ZNF429: variants seen among roughly 807,000 people sequenced by gnomAD.
ZNF429 encodes the protein zinc finger protein 429.
In ZNF429, 53 loss-of-function variants were observed where a neutral mutation model predicts 56.8. The ratio of observed to expected loss-of-function variants is 0.93; its 90% confidence interval spans 0.75 to 1.17. The LOEUF is 1.17. Among genes scored for constraint, ZNF429 ranks in the 50% most tolerant of loss-of-function variants. The pLI is 0.00. For missense variants in ZNF429, 849 were observed against 788.4 expected, an observed-to-expected ratio of 1.08 and a Z score of -0.92; for synonymous variants, 278 against 264.7, an observed-to-expected ratio of 1.05 and a Z score of -0.49.
intron 1 of ZNF429, among the ~76,000 whole-genome samples, chr19:21,525,976 C>A (rs1485388125): frequency 6.6e-6 from 1 of 152,422 alleles, no homozygotes; most frequent in South Asian, 2.1e-4. Flanking sequence ...TTATGCCCAG[C>A]ACAGTGCTCT....
chr19:21,506,598 A>G (rs1486800696), intron 1 of ZNF429, among the ~76,000 whole-genome samples: 1 of 151,962 alleles, frequency 6.6e-6, no homozygotes, highest in Non-Finnish European at 1.5e-5. Context: ...CAAAAACGCA[A>G]ATTCAGTTAT....
chr19:21,526,361 A>G (rs930642684), intron 1 of ZNF429, among the ~76,000 whole-genome samples: 2 of 152,106 alleles, frequency 1.3e-5, no homozygotes, highest in African/African-American at 4.8e-5. Context: ...CCCAAAGTCC[A>G]TTGTACCATT....
chr19:21,505,652 C>A lies in ZNF429; in HGVS notation c.-120C>A, dbSNP rs1033338085. On this transcript the variant is annotated 5_prime_UTR_variant, in exon 1 of 4. Coordinates refer to ENST00000358491, the MANE Select transcript of ZNF429 (RefSeq NM_001001415.4). The stretch of plus-strand genomic sequence containing the variant: ...TTTGGCTCTTGCTGCAGCCAGAGCT[C>A]CAGGTCTCGTCTTCATTTCTGTGTC... 2.7e-6 allele frequency: 3 copies of A among 1,096,128 alleles called. No individual in the cohort carries two copies. The South Asian group carries it at 4.5e-5, about 17-fold the overall frequency. 67.9% of individuals were successfully genotyped at this position (1,096,128 alleles called of 1,614,324 possible).
Position 21,536,845 on chromosome 19 carries a change from A to G in ZNF429, c.792A>G (p.Lys264=), listed in dbSNP as rs2033701054. 1.2e-6 allele frequency: 2 copies of G among 1,613,876 alleles called. No individual in the cohort carries two copies. Among genetic ancestry groups the G allele is most frequent in the East Asian group, 4.5e-5 (2 of 44,846 alleles). ...EKPYKCKECG[K]AFSRYSTLTT... is the part of the protein sequence containing the mutation. ...CCTACAAATGTAAAGAATGTGGCAA[A>G]GCCTTTAGCAGGTACTCAACCCTTA... The change falls in exon 4 of 4, where the codon AAA becomes AAG. Residue 264 remains lysine, a synonymous_variant. Coordinates refer to ENST00000358491, the MANE Select transcript of ZNF429 (RefSeq NM_001001415.4).
chr19:21,526,390 C>T (rs1472451600), intron 1 of ZNF429, among the ~76,000 whole-genome samples: 4 of 152,130 alleles, frequency 2.6e-5, no homozygotes, highest in East Asian at 1.9e-4. Context: ...TTTGTGTTTT[C>T]GTAGTTTAGC....
Position 21,539,183 on chromosome 19 carries a change from TATC to T in ZNF429, c.*1108_*1110del, listed in dbSNP as rs1312173149. Among the ~76,000 whole-genome samples the T allele has an allele frequency of 5.3e-5, 8 of 150,996 alleles. No homozygotes were observed. Among genetic ancestry groups the T allele is most frequent in the African/African-American group, 7.4e-5 (3 of 40,436 alleles). ...ATTGAATTTAAAAAGTCTACATAAA[TATC>T]ATACATAGATATGTATGATATTGAA... On this transcript the variant is annotated 3_prime_UTR_variant, in exon 4 of 4. Coordinates refer to ENST00000358491, the MANE Select transcript of ZNF429 (RefSeq NM_001001415.4).
intron 1 of ZNF429, among the ~76,000 whole-genome samples, chr19:21,516,028 T>G (rs1364433003): frequency 2.0e-5 from 3 of 152,024 alleles, no homozygotes; most frequent in Non-Finnish European, 4.4e-5. Flanking sequence ...ATACAGTGCC[T>G]CCAGCTTTGT....
intron 1 of ZNF429, among the ~76,000 whole-genome samples, chr19:21,508,739 CA>C (rs2032309723): frequency 6.7e-6 from 1 of 149,724 alleles, no homozygotes; most frequent in Non-Finnish European, 1.5e-5. Context: ...AACAGAATTC[CA>C]AGGCTTAGAT....
chr19:21,525,261 A>G (rs2033121431), intron 1 of ZNF429, among the ~76,000 whole-genome samples: 1 of 152,234 alleles, frequency 6.6e-6, no homozygotes, highest in Non-Finnish European at 1.5e-5. Context: ...AAATTACCCT[A>G]GAAAACCTTA....
chr19:21,517,328 G>T (rs1230522935), intron 1 of ZNF429, among the ~76,000 whole-genome samples: 1 of 132,618 alleles, frequency 7.5e-6, no homozygotes, highest in Non-Finnish European at 1.6e-5. Context: ...TGTGCTGCTG[G>T]ATTCAATTTT....
At chr19:21,522,851 A>G (rs976630243) in intron 1 of ZNF429, among the ~76,000 whole-genome samples, 1 of 151,972 alleles carries the variant, frequency 6.6e-6, no homozygotes, top group African/African-American at 2.4e-5. Context: ...AGCCAAGATC[A>G]TGCCATTGCA....
chr19:21,526,906 C>T, intron 1 of ZNF429, among the ~76,000 whole-genome samples: 1 of 152,202 alleles, frequency 6.6e-6, no homozygotes, highest in Non-Finnish European at 1.5e-5. Context: ...CCTCCACACA[C>T]TTCTCTGTCC....
At chr19:21,526,970 CCA>C (rs2033193271) in intron 1 of ZNF429, among the ~76,000 whole-genome samples, 1 of 152,144 alleles carries the variant, frequency 6.6e-6, no homozygotes, top group African/African-American at 2.4e-5. Context: ...TGAGCCCATT[CCA>C]CTTTGGCTCT....
rs1338114218 is a variant in ZNF429 at position 21,537,233 on chromosome 19, G to A, written c.1180G>A (p.Glu394Lys). The A allele has an allele frequency of 3.1e-6, 5 of 1,613,762 alleles. No individual in the cohort carries two copies. The African/African-American group carries it at 6.7e-5, about 22-fold the overall frequency. The stretch of plus-strand genomic sequence containing the variant: ...TCGACATAAAAAAATTCATACTGGA[G>A]AGGAACCCTACAAATTTGAAAAATG... Reference protein sequence around the residue: ...LTRHKKIHTGEEPYKFEKCGR... With the variant: ...LTRHKKIHTGKEPYKFEKCGR... The change falls in exon 4 of 4, where the codon GAG becomes AAG. Residue 394 changes from glutamate (E) to lysine (K), a missense_variant. Glu to Lys is a moderately conservative substitution (Grantham distance 56). Coordinates refer to ENST00000358491, the MANE Select transcript of ZNF429 (RefSeq NM_001001415.4).
At chr19:21,524,493 A>C (rs995961053) in intron 1 of ZNF429, among the ~76,000 whole-genome samples, 7 of 151,510 alleles carry the variant, frequency 4.6e-5, no homozygotes, top group African/African-American at 1.7e-4. Flanking sequence ...ATGCCACTGC[A>C]CTCCAGCCTG....
At chr19:21,513,451 A>C (rs886874233) in intron 1 of ZNF429, among the ~76,000 whole-genome samples, 1 of 152,198 alleles carries the variant, frequency 6.6e-6, no homozygotes, top group Non-Finnish European at 1.5e-5. Flanking sequence ...ATTTTTAAAC[A>C]GCTCAGAAGC....
At chr19:21,506,249 G>A (rs966676403) in intron 1 of ZNF429, among the ~76,000 whole-genome samples, 13 of 152,102 alleles carry the variant, frequency 8.5e-5, no homozygotes, top group Admixed American at 8.5e-4. Flanking sequence ...ACTGAGGTCC[G>A]GCATTCGAGA....
Position 21,537,633 on chromosome 19 carries a change from A to G in ZNF429, c.1580A>G (p.His527Arg). The G allele has an allele frequency of 6.4e-7, 1 of 1,557,910 alleles. No individual in the cohort carries two copies. The stretch of plus-strand genomic sequence containing the variant: ...ATCCTGTCCTCAAGACTTACTCAAC[A>G]TAAGAAAATTCATACTGGAGAGAAA... ...AFILSSRLTQ[H>R]KKIHTGEKPY... The change falls in exon 4 of 4, where the codon CAT becomes CGT. Residue 527 changes from histidine (H) to arginine (R), a missense_variant. Coordinates refer to ENST00000358491, the MANE Select transcript of ZNF429 (RefSeq NM_001001415.4).
Position 21,535,404 on chromosome 19 carries a change from TCTTTTTC to T in ZNF429, c.227-875_227-869del. ...TTTTTACTTTCTTTCTTTCTTTCTT[TCTTTTTC>T]TTTTCTTTCTTTCTTTCTTTCTTTC... On this transcript the variant is annotated intron_variant, in intron 3 of 3. Coordinates refer to ENST00000358491, the MANE Select transcript of ZNF429 (RefSeq NM_001001415.4). Among the ~76,000 whole-genome samples the T allele has an allele frequency of 6.4e-4, 31 of 48,446 alleles. 6 individuals carry two copies. The highest frequency in any genetic ancestry group is 5.4e-3 in the African/African-American group (24 of 4,468). The allele number at this position is 48,446 out of a possible 152,430, so 31.8% of individuals were successfully genotyped here.
Sources: allele counts gnomAD v4.1 joint callset (sites outside exome capture counted in the v4.1 genomes callset), GRCh38; gene constraint gnomAD v4.1.1; transcripts MANE v1.5; gene names NCBI Gene and HGNC (gene_info 2026-07-23, HGNC 2026-07-21).